Variants in ELFN2 observed in about 807,000 individuals in gnomAD.
ELFN2 encodes the protein extracellular leucine rich repeat and fibronectin type III domain containing 2, also known as protein phosphatase 1 regulatory subunit 29.
In ELFN2, 17 loss-of-function variants were observed where a neutral mutation model predicts 45.5. The observed-to-expected ratio is 0.37, with a 90% CI of 0.26 to 0.56. ELFN2 has a LOEUF of 0.56. ELFN2 is among the 20% of genes least tolerant of loss of function. ELFN2 has a pLI of 0.77. For synonymous variants in ELFN2, 550 were observed against 551.5 expected, an observed-to-expected ratio of 1.00 and a Z score of 0.04; for missense variants, 922 against 1,183.2, an observed-to-expected ratio of 0.78 and a Z score of 3.24.
At chr22:37,386,493 C>T (rs574687514) in intron 2 of ELFN2, among the ~76,000 whole-genome samples, 1 of 152,308 alleles carries the variant, frequency 6.6e-6, no homozygotes, top group East Asian at 1.9e-4. Context: ...TCTAACCAGG[C>T]GATCGCAAGG....
At chr22:37,387,823 G>T (rs1013381605) in intron 2 of ELFN2, among the ~76,000 whole-genome samples, 17 of 151,904 alleles carry the variant, frequency 1.1e-4, no homozygotes, top group Middle Eastern at 3.4e-3. Context: ...CCTTCCCAAG[G>T]CTTCTAATGT....
rs1306197241 is a variant in ELFN2, at chr22:37,404,408, G to T, written c.-463+13361C>A. On this transcript the variant is annotated intron_variant, in intron 2 of 2. Transcript: ENST00000402918. ...GGGCAGGATGGAGAGAGAGACCAAG[G>T]GGGGAGTTCAGGGATGCCACCCAGG... Among the ~76,000 whole-genome samples, 5 of 152,062 alleles carry T rather than the reference G, an allele frequency of 3.3e-5. No homozygotes were observed. The East Asian group carries it at 7.7e-4, about 24-fold the overall frequency.
intron 2 of ELFN2, among the ~76,000 whole-genome samples, chr22:37,389,093 G>A (rs892016294): frequency 1.6e-4 from 25 of 152,174 alleles, no homozygotes; most frequent in African/African-American, 5.6e-4. Flanking sequence ...GGGCCACAAT[G>A]AGGACTAATG....
chr22:37,412,277 CAA>C (rs56073200), intron 2 of ELFN2, among the ~76,000 whole-genome samples: 101 of 92,244 alleles, frequency 1.1e-3, no homozygotes, highest in East Asian at 4.6e-3. Context: ...AACTCCGTCT[CAA>C]AAAAAAAAAA....
At chr22:37,378,361 G>A (rs1931641989) in intron 2 of ELFN2, among the ~76,000 whole-genome samples, 1 of 152,242 alleles carries the variant, frequency 6.6e-6, no homozygotes, top group African/African-American at 2.4e-5. Flanking sequence ...CCTCACATCT[G>A]AGTTGCTCAA....
At chr22:37,392,021 T>C (rs986328590) in intron 2 of ELFN2, among the ~76,000 whole-genome samples, 4 of 152,364 alleles carry the variant, frequency 2.6e-5, no homozygotes, top group African/African-American at 9.6e-5. Context: ...AGGAAAAGGA[T>C]AACCCACGGG....
Position 37,375,513 on chromosome 22 carries a change from C to A in ELFN2, c.22G>T (p.Ala8Ser). The change falls in exon 3 of 3, where the codon GCG becomes TCG. Residue 8 changes from alanine (A) to serine (S), a missense_variant. Around this residue, in one of 2 missense-constraint regions of ELFN2, gnomAD observed 358 missense variants for 540.4 expected, o/e 0.66. Transcript: ENST00000402918. ...CGGCACACGCACAGCAGCGCCGCCG[C>A]GCACAGCCCCAGGCGCAGCATGGCG... MLRLGLC[A>S]AALLCVCRPG... 1 of 1,564,688 alleles carries A rather than the reference C, an allele frequency of 6.4e-7. No individual in the cohort carries two copies. The highest frequency in any genetic ancestry group is 8.7e-7 in the Non-Finnish European group (1 of 1,154,916).
intron 1 of ELFN2, among the ~76,000 whole-genome samples, chr22:37,344,376 C>T (rs1003432375): frequency 1.3e-5 from 2 of 151,924 alleles, no homozygotes; most frequent in Non-Finnish European, 2.9e-5. Context: ...TACATGCGCA[C>T]ATACACCCAG....
chr22:37,407,372 C>T (rs1196909733), intron 2 of ELFN2, among the ~76,000 whole-genome samples: 2 of 152,196 alleles, frequency 1.3e-5, no homozygotes, highest in African/African-American at 4.8e-5. Flanking sequence ...TATCATGCAG[C>T]CGGCTCTGTG....
chr22:37,411,356 C>G (rs1387100868), intron 2 of ELFN2, among the ~76,000 whole-genome samples: 1 of 152,202 alleles, frequency 6.6e-6, no homozygotes, highest in Non-Finnish European at 1.5e-5. Flanking sequence ...CATTGGGGCA[C>G]CTCAGTGCCA....
At chr22:37,364,653 C>T (rs1931162267), downstream of ELFN2, among the ~76,000 whole-genome samples, 1 of 152,176 alleles carries the variant, frequency 6.6e-6, no homozygotes, top group South Asian at 2.1e-4. Flanking sequence ...GCTGTGACAC[C>T]AGTCACAGGG....
chr22:37,420,794 A>G (rs11703250), intron 1 of ELFN2, among the ~76,000 whole-genome samples: 9,183 of 152,258 alleles, frequency 0.06, 359 homozygotes, highest in African/African-American at 0.1. Context: ...AGCCAGTATT[A>G]TTAGTCAGTT....
intron 2 of ELFN2, among the ~76,000 whole-genome samples, chr22:37,398,563 G>A (rs7291637): frequency 0.08 from 12,012 of 151,004 alleles, 869 homozygotes; most frequent in African/African-American, 0.2. Context: ...CCTCTGCACA[G>A]CAGCCCAAGG....
At chr22:37,408,741 C>T (rs940421986) in intron 2 of ELFN2, among the ~76,000 whole-genome samples, 1 of 152,160 alleles carries the variant, frequency 6.6e-6, no homozygotes, top group South Asian at 2.1e-4. Context: ...ATTTCATCAC[C>T]GAGTCGCTGT....
rs752902889 is a variant in ELFN2, at chr22:37,374,612, G to A, written c.923C>T (p.Ser308Leu). The A allele has an allele frequency of 2.6e-5, 42 of 1,614,076 alleles. No homozygotes were observed. Among genetic ancestry groups the A allele is most frequent in the East Asian group, 2.2e-4 (10 of 44,900 alleles). The change falls in exon 3 of 3, where the codon TCG becomes TTG. Residue 308 changes from serine (S) to leucine (L), a missense_variant. Around this residue, in one of 2 missense-constraint regions of ELFN2, gnomAD observed 358 missense variants for 540.4 expected, o/e 0.66. Transcript: ENST00000402918. The part of the protein sequence containing the change: ...AIKLHHVTFT[S>L]ATLVVIIPHP... ...TGGGATGATGACCACCAGGGTGGCCGAGGTGAACGTGACGTGGTGCAGCTT... is the reference window on the plus strand; with the variant it reads ...TGGGATGATGACCACCAGGGTGGCCAAGGTGAACGTGACGTGGTGCAGCTT...
chr22:37,392,502 T>C (rs1229778307), intron 2 of ELFN2, among the ~76,000 whole-genome samples: 1 of 152,024 alleles, frequency 6.6e-6, no homozygotes, highest in Non-Finnish European at 1.5e-5. Context: ...GTATTTTTAG[T>C]AGAGACAGGG....
At chr22:37,406,717 G>C (rs1932510655) in intron 2 of ELFN2, among the ~76,000 whole-genome samples, 2 of 152,252 alleles carry the variant, frequency 1.3e-5, no homozygotes, top group Admixed American at 1.3e-4. Flanking sequence ...AGACTTCCTG[G>C]GGGAGGCTGA....
At chr22:37,406,636 G>C (rs1265042563) in intron 2 of ELFN2, among the ~76,000 whole-genome samples, 1 of 152,218 alleles carries the variant, frequency 6.6e-6, no homozygotes, top group Non-Finnish European at 1.5e-5. Flanking sequence ...GGGAGCGAGG[G>C]AAACAAAGAC....
At chr22:37,381,561 C>T (rs1347024788) in intron 2 of ELFN2, among the ~76,000 whole-genome samples, 5 of 151,930 alleles carry the variant, frequency 3.3e-5, no homozygotes. Context: ...TCTCTAGCCC[C>T]CCAGTCTGAG....
Sources: allele counts gnomAD v4.1 joint callset (sites outside exome capture counted in the v4.1 genomes callset), GRCh38; gene constraint gnomAD v4.1.1; regional missense constraint gnomAD v4.1.1; transcripts MANE v1.5; gene names NCBI Gene and HGNC (gene_info 2026-07-23, HGNC 2026-07-21).